The following CTNNA2 variants were observed in gnomAD, a reference collection of about 807,000 sequenced individuals.
The protein encoded by CTNNA2 is catenin alpha-2.
In CTNNA2, 42 loss-of-function variants were observed where a neutral mutation model predicts 101.0. That is an observed-to-expected ratio of 0.42 (90% CI 0.32 to 0.54). The LOEUF (loss-of-function observed/expected upper bound fraction) is 0.54, where lower values mean the gene tolerates loss of function less well. Among genes scored for constraint, CTNNA2 ranks in the 20% least tolerant of loss-of-function variants. CTNNA2 has a pLI of 0.14. For synonymous variants in CTNNA2, 450 were observed against 456.4 expected (o/e 0.99, Z 0.18); for missense variants, 871 against 1,223.1 (o/e 0.71, Z 4.29).
chr2:79,587,790 C>G (rs1412363523), intron 1 of CTNNA2, among the ~76,000 whole-genome samples: 1 of 152,108 alleles, frequency 6.6e-6, no homozygotes, highest in Non-Finnish European at 1.5e-5. Context: ...CTCTCTAAAC[C>G]CAGCTCAAAC....
At chr2:79,463,408 A>G (rs1025874052) in intron 4 of CTNNA2, among the ~76,000 whole-genome samples, 9 of 152,084 alleles carry the variant, frequency 5.9e-5, no homozygotes, top group Admixed American at 1.3e-4. Flanking sequence ...AAAAAAAAAA[A>G]AAAAAAGAAA....
chr2:79,285,906 A>G (rs927570594), intron 2 of CTNNA2, among the ~76,000 whole-genome samples: 35 of 146,642 alleles, frequency 2.4e-4, no homozygotes, highest in African/African-American at 7.9e-4. Context: ...TTTGTAGGTC[A>G]CTCAGGACTT....
intron 7 of CTNNA2, among the ~76,000 whole-genome samples, chr2:80,191,904 A>T (rs1204454635): frequency 6.6e-6 from 1 of 152,216 alleles, no homozygotes. Flanking sequence ...TTACTTCTCC[A>T]GGTTTAGACA....
intron 7 of CTNNA2, among the ~76,000 whole-genome samples, chr2:80,277,233 A>G (rs550140200): frequency 6.6e-6 from 1 of 152,288 alleles, no homozygotes; most frequent in South Asian, 2.1e-4. Context: ...ATCTGGCCAC[A>G]TCATTCTTTC....
intron 7 of CTNNA2, among the ~76,000 whole-genome samples, chr2:80,091,990 C>T (rs2148821729): frequency 6.6e-6 from 1 of 152,186 alleles, no homozygotes; most frequent in South Asian, 2.1e-4. Context: ...TTTTTATTAG[C>T]CAAAAAGCTT....
intron 7 of CTNNA2, chr2:80,313,324 C>T: frequency 8.2e-7 from 1 of 1,221,046 alleles, no homozygotes; most frequent in Non-Finnish European, 1.1e-6. Context: ...TACGTGTTTG[C>T]TGCTATTCTT....
chr2:79,834,654 C>T (rs1679178523), intron 3 of CTNNA2, among the ~76,000 whole-genome samples: 1 of 151,846 alleles, frequency 6.6e-6, no homozygotes, highest in Non-Finnish European at 1.5e-5. Flanking sequence ...TGCAAATATA[C>T]CCCCAGTGCA....
chr2:79,713,413 T>G (rs1434416687), intron 2 of CTNNA2, among the ~76,000 whole-genome samples: 1 of 152,180 alleles, frequency 6.6e-6, no homozygotes, highest in Non-Finnish European at 1.5e-5. Flanking sequence ...GCCACTGCAC[T>G]CCAGCCTGGG....
chr2:79,582,175 A>G (rs1186200222), intron 1 of CTNNA2, among the ~76,000 whole-genome samples: 2 of 152,250 alleles, frequency 1.3e-5, no homozygotes, highest in Admixed American at 1.3e-4. Context: ...AATGGGCATT[A>G]TAATTGTACT....
At chr2:79,809,982 A>G (rs1042919344) in intron 3 of CTNNA2, among the ~76,000 whole-genome samples, 12 of 152,214 alleles carry the variant, frequency 7.9e-5, no homozygotes, top group African/African-American at 2.9e-4. Flanking sequence ...ACCAAATAGT[A>G]AAACCATCGA....
chr2:79,363,654 C>T (rs2104449007), intron 3 of CTNNA2, among the ~76,000 whole-genome samples: 1 of 152,182 alleles, frequency 6.6e-6, no homozygotes, highest in Admixed American at 6.5e-5. Flanking sequence ...CCGTCTGACA[C>T]TTGGTTAGGG....
chr2:79,950,991 C>G (rs1449589158), intron 7 of CTNNA2, among the ~76,000 whole-genome samples: 1 of 152,052 alleles, frequency 6.6e-6, no homozygotes, highest in Non-Finnish European at 1.5e-5. Context: ...TAAGAGTTTG[C>G]CAAAATATAC....
At chr2:79,460,794 A>G (rs1558671421) in intron 4 of CTNNA2, among the ~76,000 whole-genome samples, 1 of 149,810 alleles carries the variant, frequency 6.7e-6, no homozygotes, top group African/African-American at 2.5e-5. Context: ...TGCACTGTTT[A>G]TGTTTCCCTT....
chr2:79,542,700 C>T (rs1673496787), intron 1 of CTNNA2, among the ~76,000 whole-genome samples: 2 of 152,126 alleles, frequency 1.3e-5, no homozygotes, highest in South Asian at 4.1e-4. Context: ...TCTTATTTTA[C>T]AAATGTTAGC....
chr2:80,302,605 T>G lies in CTNNA2; in HGVS notation c.1057-90606T>G. ...GAAGAGCCACGGTGGCAGGCTCGAATGTGCCGTCGTGCTGCCCCTCCCCGC... is the reference window on the plus strand; with the variant it reads ...GAAGAGCCACGGTGGCAGGCTCGAAGGTGCCGTCGTGCTGCCCCTCCCCGC... On this transcript the variant is annotated intron_variant, in intron 7 of 18. Transcript: ENST00000402739. The surrounding 1 kb of genome is among the most constrained non-coding windows in gnomAD (Gnocchi z 6.4). 2 of 1,606,022 alleles carry G rather than the reference T, an allele frequency of 1.2e-6. No individual in the cohort carries two copies. The highest frequency in any genetic ancestry group is 1.7e-6 in the Non-Finnish European group (2 of 1,178,636).
At chr2:80,511,793 G>A (rs994474391) in intron 9 of CTNNA2, among the ~76,000 whole-genome samples, 1 of 152,062 alleles carries the variant, frequency 6.6e-6, no homozygotes, top group Non-Finnish European at 1.5e-5. Flanking sequence ...CTACATATCT[G>A]TATCTTTTAG....
At chr2:80,028,103 C>A (rs542610931) in intron 7 of CTNNA2, 1 of 148,960 alleles carries the variant, frequency 6.7e-6, no homozygotes, top group African/African-American at 2.5e-5. Flanking sequence ...CAAGATAAAA[C>A]TATTTACTGA....
chr2:79,361,930 C>T (rs1054113301), intron 3 of CTNNA2, among the ~76,000 whole-genome samples: 6 of 152,150 alleles, frequency 3.9e-5, no homozygotes, highest in South Asian at 2.1e-4. Flanking sequence ...TCCTAGCCCA[C>T]GACTCAAATA....
chr2:80,162,416 A>G, intron 7 of CTNNA2: 1 of 1,520,774 alleles, frequency 6.6e-7, no homozygotes, highest in Non-Finnish European at 8.8e-7. Context: ...GCCTAAAATG[A>G]CCCTATAAAA....
Sources: gnomAD v4.1 joint callset for allele counts (sites outside exome capture counted in the v4.1 genomes callset) on GRCh38, gnomAD v4.1.1 for gene constraint, Gnocchi (gnomAD v3.1) non-coding constraint, MANE v1.5 for transcripts, NCBI Gene and HGNC (gene_info 2026-07-23, HGNC 2026-07-21) for gene names.